Variants in CCDC83 observed in about 807,000 individuals in gnomAD.
CCDC83 encodes the protein coiled-coil domain containing 83, also known as coiled-coil domain-containing protein 83.
A neutral mutation model predicts 50.1 loss-of-function variants in CCDC83; 54 were observed. That is an observed-to-expected ratio of 1.08 (90% CI 0.87 to 1.35). The LOEUF (loss-of-function observed/expected upper bound fraction) is 1.35, where lower values mean the gene tolerates loss of function less well. Ranked by LOEUF, CCDC83 falls within the 40% of genes most tolerant of loss-of-function variation. The pLI is 0.00. For missense variants in CCDC83, 518 were observed against 473.9 expected (o/e 1.09, Z -0.86); for synonymous variants, 161 against 153.3 (o/e 1.05, Z -0.37).
At chr11:85,900,459 G>T (rs2093395770) in intron 7 of CCDC83, among the ~76,000 whole-genome samples, 1 of 152,060 alleles carries the variant, frequency 6.6e-6, no homozygotes, top group Admixed American at 6.6e-5. Context: ...CTCATCCTTT[G>T]GGATTTGCCA....
At chr11:85,856,184 CA>C (rs370054964) in intron 1 of CCDC83, among the ~76,000 whole-genome samples, 26,902 of 94,770 alleles carry the variant, frequency 0.28, 2,898 homozygotes, top group Middle Eastern at 0.35. Flanking sequence ...CTATCTAAGC[CA>C]AAAAAAAAAA....
intron 5 of CCDC83, among the ~76,000 whole-genome samples, chr11:85,894,620 C>T (rs935668247): frequency 6.6e-6 from 1 of 152,208 alleles, no homozygotes; most frequent in Non-Finnish European, 1.5e-5. Context: ...TACCTGCTTA[C>T]TTATTTATGA....
chr11:85,909,906 A>C (rs115798861), intron 7 of CCDC83, among the ~76,000 whole-genome samples: 248 of 152,262 alleles, frequency 1.6e-3, no homozygotes, highest in African/African-American at 5.6e-3. Flanking sequence ...TAAGCCTGCT[A>C]TGTTTATCAA....
intron 4 of CCDC83, among the ~76,000 whole-genome samples, chr11:85,885,140 G>A (rs779946987): frequency 5.3e-5 from 8 of 152,034 alleles, no homozygotes; most frequent in Non-Finnish European, 1.0e-4. Flanking sequence ...CTTGAACCTG[G>A]GAGGTGGAGG....
chr11:85,912,675 C>T (rs768858088), intron 8 of CCDC83: 5 of 1,611,018 alleles, frequency 3.1e-6, no homozygotes, highest in Non-Finnish European at 4.2e-6. Flanking sequence ...TCCTGTCCCA[C>T]CTCTAATCCT....
intron 3 of CCDC83, among the ~76,000 whole-genome samples, chr11:85,880,325 CA>C (rs2093293033): frequency 6.6e-6 from 1 of 152,056 alleles, no homozygotes; most frequent in Non-Finnish European, 1.5e-5. Flanking sequence ...CTCCTTCAGT[CA>C]ACCAGCCTTG....
chr11:85,900,507 C>A (rs1285214671), intron 7 of CCDC83, among the ~76,000 whole-genome samples: 1 of 152,140 alleles, frequency 6.6e-6, no homozygotes, highest in Admixed American at 6.5e-5. Flanking sequence ...AGTCTCCAGT[C>A]CACATTCCCA....
At chr11:85,856,817 A>G (rs1017378404) in intron 1 of CCDC83, among the ~76,000 whole-genome samples, 1 of 152,230 alleles carries the variant, frequency 6.6e-6, no homozygotes, top group African/African-American at 2.4e-5. Context: ...TACATAATCA[A>G]TATGAAAAGC....
chr11:85,860,581 T>G (rs188908599), intron 1 of CCDC83, among the ~76,000 whole-genome samples: 2 of 152,170 alleles, frequency 1.3e-5, no homozygotes, highest in Non-Finnish European at 1.5e-5. Flanking sequence ...AGTGTGAAGA[T>G]TTCTCAAAGA....
chr11:85,896,668 G>C (rs1450896144), intron 6 of CCDC83, among the ~76,000 whole-genome samples: 1 of 151,766 alleles, frequency 6.6e-6, no homozygotes, highest in African/African-American at 2.4e-5. Flanking sequence ...CTACACTGCT[G>C]GCACTTTAAA....
chr11:85,915,968 C>T (rs1242549700), intron 9 of CCDC83, 60 bp from the exon 10 acceptor site: 31 of 1,142,332 alleles, frequency 2.7e-5, no homozygotes, highest in Non-Finnish European at 5.2e-6. Context: ...GTATGTATTG[C>T]ATTTTTATTT....
intron 10 of CCDC83, among the ~76,000 whole-genome samples, chr11:85,917,170 A>AGAG (rs1565160046): frequency 0.013 from 784 of 58,752 alleles, 1 homozygote; most frequent in Non-Finnish European, 0.019. Flanking sequence ...GAGAGAGAGA[A>AGAG]AGAAAGAAAG....
At chr11:85,892,778 AG>A (rs2135070508) in intron 5 of CCDC83, among the ~76,000 whole-genome samples, 1 of 152,368 alleles carries the variant, frequency 6.6e-6, no homozygotes, top group South Asian at 2.1e-4. Flanking sequence ...AATTGAAAAA[AG>A]AAATTCCATC....
intron 7 of CCDC83, among the ~76,000 whole-genome samples, chr11:85,907,727 G>A (rs1056041468): frequency 1.1e-4 from 17 of 150,444 alleles, no homozygotes; most frequent in African/African-American, 4.0e-4. Context: ...TCAAAAGGCC[G>A]AGGGAGATAG....
At chr11:85,875,082 C>A (rs536122953) in intron 3 of CCDC83, among the ~76,000 whole-genome samples, 1 of 152,270 alleles carries the variant, frequency 6.6e-6, no homozygotes, top group South Asian at 2.1e-4. Flanking sequence ...GGGTGGTCCC[C>A]CTACCCAAAG....
rs1278832633 is a variant in CCDC83 at position 85,866,700 on chromosome 11, T to C, written c.95+1482T>C. On this transcript the variant is annotated intron_variant, in intron 2 of 10. Transcript: ENST00000342404. ...AAAACAGAAAAAAACATGGCTATAA[T>C]AAAGGTACTATAAAAGAAAACTGTA... Among the ~76,000 whole-genome samples, 3 of 150,932 alleles carry C rather than the reference T, an allele frequency of 2.0e-5. No individual in the cohort carries two copies. The East Asian group carries it at 5.8e-4, about 29-fold the overall frequency.
Position 85,916,018 on chromosome 11 carries a change from T to C in CCDC83, c.875-10T>C. On this transcript the variant is annotated splice_polypyrimidine_tract_variant and intron_variant, in intron 9 of 10. Transcript: ENST00000342404. ...TGTATACATAATTAATTCCTTTGTA[T>C]TTATCCAAGAAGAGAAGTCAGAATT... 6.4e-7 allele frequency: 1 copy of C among 1,568,236 alleles called. No homozygotes were observed. The highest frequency in any genetic ancestry group is 8.8e-7 in the Non-Finnish European group (1 of 1,142,214).
chr11:85,894,592 C>A (rs536331965), intron 5 of CCDC83, among the ~76,000 whole-genome samples: 6 of 152,154 alleles, frequency 3.9e-5, no homozygotes, highest in Non-Finnish European at 8.8e-5. Context: ...CACATCACCA[C>A]CTGAAATATT....
chr11:85,884,295 C>T (rs17817331), intron 4 of CCDC83, among the ~76,000 whole-genome samples: 21,235 of 152,116 alleles, frequency 0.14, 1,801 homozygotes, highest in Middle Eastern at 0.2. Flanking sequence ...GAGGTAGTCA[C>T]TTTATGTCCC....
Sources: gnomAD v4.1 joint callset for allele counts (sites outside exome capture counted in the v4.1 genomes callset) on GRCh38, gnomAD v4.1.1 for gene constraint, MANE v1.5 for transcripts, NCBI Gene and HGNC (gene_info 2026-07-23, HGNC 2026-07-21) for gene names.